Variants in PTPRG observed in about 807,000 individuals in gnomAD.
PTPRG encodes the protein receptor-type tyrosine-protein phosphatase gamma.
A neutral mutation model predicts 165.3 loss-of-function variants in PTPRG; 102 were observed. The ratio of observed to expected loss-of-function variants is 0.62; its 90% CI spans 0.53 to 0.73. The LOEUF is 0.73. Among genes scored for constraint, PTPRG ranks in the 30% least tolerant of loss-of-function variants. The pLI, the probability that PTPRG is intolerant of heterozygous loss-of-function variation, is 0.00. For missense variants in PTPRG, 1,866 were observed against 1,861.4 expected (o/e 1.00, Z -0.05); for synonymous variants, 675 against 669.5 (o/e 1.01, Z -0.13).
chr3:61,980,025 A>AT (rs2040603288), intron 2 of PTPRG, among the ~76,000 whole-genome samples: 2 of 151,894 alleles, frequency 1.3e-5, no homozygotes, highest in Admixed American at 1.3e-4. Flanking sequence ...GTCTCTGGGA[A>AT]TTTTTCCCTT....
At chr3:61,990,219 G>A (rs547553302) in intron 3 of PTPRG, among the ~76,000 whole-genome samples, 6 of 152,130 alleles carry the variant, frequency 3.9e-5, no homozygotes, top group South Asian at 2.1e-4. Context: ...CATTTCACGT[G>A]CTTATCTGCC....
At chr3:61,568,602 A>G (rs1444892322) in intron 1 of PTPRG, among the ~76,000 whole-genome samples, 1 of 152,094 alleles carries the variant, frequency 6.6e-6, no homozygotes, top group Admixed American at 6.6e-5. Flanking sequence ...AGCCCTTAAT[A>G]CAACTGTAAA....
At chr3:62,170,911 A>C (rs1376654957) in intron 8 of PTPRG, among the ~76,000 whole-genome samples, 2 of 152,100 alleles carry the variant, frequency 1.3e-5, no homozygotes, top group African/African-American at 4.8e-5. Flanking sequence ...CCCGTCTAGG[A>C]TCTCAGGACT....
intron 1 of PTPRG, among the ~76,000 whole-genome samples, chr3:61,698,872 A>C (rs1370892621): frequency 6.6e-6 from 1 of 152,112 alleles, no homozygotes; most frequent in East Asian, 1.9e-4. Context: ...CTTTGTAGGG[A>C]CATGGATGAA....
chr3:62,285,429 G>T (rs954743893), intron 28 of PTPRG, among the ~76,000 whole-genome samples: 3 of 145,926 alleles, frequency 2.1e-5, no homozygotes, highest in African/African-American at 7.6e-5. Context: ...CTGTGAGGCA[G>T]AGAGTTGAAC....
intron 2 of PTPRG, among the ~76,000 whole-genome samples, chr3:61,861,417 T>C (rs1187701609): frequency 6.6e-6 from 1 of 152,208 alleles, no homozygotes; most frequent in Non-Finnish European, 1.5e-5. Context: ...GAGGAAGTCC[T>C]AGAGGGCAGA....
intron 6 of PTPRG, among the ~76,000 whole-genome samples, chr3:62,137,575 C>G (rs550627332): frequency 1.3e-5 from 2 of 152,198 alleles, no homozygotes; most frequent in South Asian, 4.1e-4. Flanking sequence ...CATCGATTTC[C>G]TGAGCATACT....
At chr3:62,181,762 G>T (rs548736099) in intron 8 of PTPRG, among the ~76,000 whole-genome samples, 1 of 152,084 alleles carries the variant, frequency 6.6e-6, no homozygotes, top group Non-Finnish European at 1.5e-5. Context: ...CTTTAAAATT[G>T]TACTAACTTA....
chr3:61,809,186 A>G (rs530485345), intron 2 of PTPRG, among the ~76,000 whole-genome samples: 17 of 151,246 alleles, frequency 1.1e-4, no homozygotes, highest in Non-Finnish European at 2.1e-4. Context: ...AGTGGGGGAA[A>G]GTTACAAAAT....
At chr3:61,714,897 A>C (rs570228368) in intron 1 of PTPRG, among the ~76,000 whole-genome samples, 1 of 152,342 alleles carries the variant, frequency 6.6e-6, no homozygotes, top group South Asian at 2.1e-4. Context: ...CCTGAGTCTA[A>C]TCCTGATAAA....
chr3:61,643,261 G>A (rs1291451494), intron 1 of PTPRG, among the ~76,000 whole-genome samples: 1 of 138,186 alleles, frequency 7.2e-6, no homozygotes, highest in African/African-American at 2.7e-5. Flanking sequence ...CCCATCTGGG[G>A]AGAGAGAGAG....
At chr3:61,932,486 A>C (rs1575798402) in intron 2 of PTPRG, among the ~76,000 whole-genome samples, 1 of 152,242 alleles carries the variant, frequency 6.6e-6, no homozygotes, top group African/African-American at 2.4e-5. Flanking sequence ...TACCTTTGAC[A>C]CTAGCCTTTA....
chr3:62,040,369 A>G (rs1046786831), intron 4 of PTPRG, among the ~76,000 whole-genome samples: 10 of 152,350 alleles, frequency 6.6e-5, no homozygotes, highest in Middle Eastern at 3.4e-3. Flanking sequence ...TGATGAAGAC[A>G]TGTAATGTTG....
chr3:61,815,378 G>A (rs2035727204), intron 2 of PTPRG, among the ~76,000 whole-genome samples: 1 of 151,946 alleles, frequency 6.6e-6, no homozygotes, highest in Non-Finnish European at 1.5e-5. Flanking sequence ...ACTCCAGACT[G>A]GGCAACAGAA....
In PTPRG at chr3:62,289,709, C is replaced by CCA. The variant is rs1553670285; in HGVS notation, c.4056-2712_4056-2711insCA. 9.8e-5 allele frequency among the ~76,000 whole-genome samples: 12 copies of CCA among 122,704 alleles called. 1 individual carries two copies. Among genetic ancestry groups the CCA allele is most frequent in the South Asian group, 2.9e-4 (1 of 3,418 alleles). The allele number at this position is 122,704 out of a possible 152,430, so 80.5% of individuals were successfully genotyped here. On this transcript the variant is annotated intron_variant, in intron 28 of 29. Transcript: ENST00000474889. The stretch of plus-strand genomic sequence containing the variant: ...ACACCCATTCATGATCCCCCCCCCC[C>CCA]AAAAAAAACACTTAGAGTAAAAATA...
At position 61,727,581 on chromosome 3, in the gene PTPRG, G is replaced by A. The variant is rs189277812; in HGVS notation, c.86-21297G>A. ...GGACATTTTGAGGAACTGGGTATTC[G>A]TAAGTTACAAAGGCATGCCAGAATA... On this transcript the variant is annotated intron_variant, in intron 1 of 29. Transcript: ENST00000474889. Among the ~76,000 whole-genome samples the A allele has an allele frequency of 5.0e-4, 76 of 152,274 alleles. 1 individual carries two copies. The highest frequency in any genetic ancestry group is 1.5e-3 in the African/African-American group (64 of 41,548).
At chr3:62,083,180 T>C (rs1291614407) in intron 5 of PTPRG, among the ~76,000 whole-genome samples, 2 of 152,232 alleles carry the variant, frequency 1.3e-5, no homozygotes, top group African/African-American at 4.8e-5. Context: ...GTCAACCTAA[T>C]TTGAATGCCT....
intron 2 of PTPRG, among the ~76,000 whole-genome samples, chr3:61,819,962 A>G (rs1247884717): frequency 2.6e-5 from 4 of 152,164 alleles, no homozygotes; most frequent in African/African-American, 7.2e-5. Flanking sequence ...GGAACGGATC[A>G]TTCATATTTT....
At chr3:61,669,304 C>A (rs1237288788) in intron 1 of PTPRG, among the ~76,000 whole-genome samples, 1 of 151,920 alleles carries the variant, frequency 6.6e-6, no homozygotes, top group Non-Finnish European at 1.5e-5. Flanking sequence ...ATGAGTTGTT[C>A]ACCGAGACCC....
Sources: allele counts gnomAD v4.1 joint callset (sites outside exome capture counted in the v4.1 genomes callset), GRCh38; gene constraint gnomAD v4.1.1; transcripts MANE v1.5; gene names NCBI Gene and HGNC (gene_info 2026-07-23, HGNC 2026-07-21).